The following AGBL4 variants were observed in gnomAD, a reference collection of about 807,000 sequenced individuals.
AGBL4 encodes the protein AGBL carboxypeptidase 4.
A neutral mutation model predicts 66.4 loss-of-function variants in AGBL4; 58 were observed. The observed-to-expected ratio is 0.87, with a 90% CI of 0.71 to 1.09. The LOEUF is 1.09. Among genes scored for constraint, AGBL4 ranks in the 50% least tolerant of loss-of-function variants. The probability of loss-of-function intolerance (pLI) is 0.00; values close to 1 mark genes in which losing one functional copy is unlikely to be tolerated. For synonymous variants in AGBL4, 234 were observed against 222.9 expected (o/e 1.05, Z -0.44); for missense variants, 579 against 631.0 (o/e 0.92, Z 0.88).
chr1:48,774,134 C>A (rs1183281580), intron 6 of AGBL4, among the ~76,000 whole-genome samples: 5 of 152,240 alleles, frequency 3.3e-5, no homozygotes, highest in Non-Finnish European at 7.3e-5. Flanking sequence ...GGAAACCATT[C>A]TATTTGTGTC....
chr1:48,817,647 C>A (rs1225028010), intron 6 of AGBL4: 1 of 196,976 alleles, frequency 5.1e-6, no homozygotes, highest in East Asian at 1.3e-4. Context: ...CTTGAGTTCT[C>A]CCAACAGCTT....
At chr1:49,192,406 C>G (rs1351697746) in intron 4 of AGBL4, among the ~76,000 whole-genome samples, 1 of 152,164 alleles carries the variant, frequency 6.6e-6, no homozygotes, top group Non-Finnish European at 1.5e-5. Flanking sequence ...TCAAGTGATT[C>G]GCCTGCCTCA....
chr1:49,677,262 A>G (rs1292483767), intron 3 of AGBL4, among the ~76,000 whole-genome samples: 1 of 152,048 alleles, frequency 6.6e-6, no homozygotes, highest in East Asian at 1.9e-4. Context: ...GTCTAGTCCA[A>G]TCTCTAACCT....
At chr1:49,258,444 T>C (rs946354129) in intron 3 of AGBL4, among the ~76,000 whole-genome samples, 1 of 151,748 alleles carries the variant, frequency 6.6e-6, no homozygotes, top group African/African-American at 2.4e-5. Flanking sequence ...GAATAACCAA[T>C]ATAGAGAAGT....
intron 2 of AGBL4, among the ~76,000 whole-genome samples, chr1:49,707,541 A>G (rs1647304081): frequency 6.6e-6 from 1 of 152,050 alleles, no homozygotes; most frequent in African/African-American, 2.4e-5. Flanking sequence ...TGGGGCATTT[A>G]GCCCATTTAC....
intron 11 of AGBL4, among the ~76,000 whole-genome samples, chr1:48,545,836 T>C (rs893509395): frequency 2.0e-5 from 3 of 152,224 alleles, no homozygotes; most frequent in African/African-American, 7.2e-5. Flanking sequence ...TAGCCTCCTA[T>C]TTAATGAGGT....
At chr1:49,983,889 C>T (rs1294342193) in intron 1 of AGBL4, among the ~76,000 whole-genome samples, 1 of 152,166 alleles carries the variant, frequency 6.6e-6, no homozygotes, top group Non-Finnish European at 1.5e-5. Context: ...CCCAGAAAAA[C>T]CTTAAAACCT....
intron 3 of AGBL4, among the ~76,000 whole-genome samples, chr1:49,680,838 A>T (rs1477565583): frequency 2.6e-5 from 4 of 151,494 alleles, no homozygotes; most frequent in Admixed American, 1.3e-4. Flanking sequence ...GAACTTCAAT[A>T]ACATGAATTT....
At chr1:49,677,834 A>G (rs1167513715) in intron 3 of AGBL4, among the ~76,000 whole-genome samples, 1 of 152,148 alleles carries the variant, frequency 6.6e-6, no homozygotes, top group Non-Finnish European at 1.5e-5. Context: ...TGCTTTCTCC[A>G]CAGTGTGAAC....
At chr1:49,373,474 A>G (rs934516087) in intron 3 of AGBL4, among the ~76,000 whole-genome samples, 1 of 152,168 alleles carries the variant, frequency 6.6e-6, no homozygotes, top group African/African-American at 2.4e-5. Flanking sequence ...AATGCTAGAA[A>G]ATAGGCCATA....
chr1:49,706,145 C>T (rs1448849087), intron 2 of AGBL4, among the ~76,000 whole-genome samples: 1 of 152,154 alleles, frequency 6.6e-6, no homozygotes, highest in Admixed American at 6.5e-5. Context: ...CTTTGTACTT[C>T]TGGTGGAATT....
intron 2 of AGBL4, among the ~76,000 whole-genome samples, chr1:49,728,360 A>T (rs372865679): frequency 6.6e-6 from 1 of 152,238 alleles, no homozygotes; most frequent in East Asian, 1.9e-4. Context: ...TTAAGATGAG[A>T]AATAGACCTT....
chr1:49,839,427 T>C (rs528150176), intron 2 of AGBL4, among the ~76,000 whole-genome samples: 2 of 152,294 alleles, frequency 1.3e-5, no homozygotes, highest in Middle Eastern at 3.4e-3. Context: ...CTATTTTTTC[T>C]CTAAATGAGA....
chr1:48,925,433 G>A (rs1654455643), intron 5 of AGBL4, among the ~76,000 whole-genome samples: 1 of 152,072 alleles, frequency 6.6e-6, no homozygotes, highest in South Asian at 2.1e-4. Context: ...ATGGCCCACA[G>A]GCCATATGCA....
chr1:49,041,419 A>G (rs1643938546), intron 5 of AGBL4, among the ~76,000 whole-genome samples: 1 of 152,090 alleles, frequency 6.6e-6, no homozygotes, highest in African/African-American at 2.4e-5. Flanking sequence ...TCTAGTCCAG[A>G]TGGCACAGGT....
At chr1:48,786,331 T>A (rs1017754077) in intron 6 of AGBL4, among the ~76,000 whole-genome samples, 1 of 152,214 alleles carries the variant, frequency 6.6e-6, no homozygotes, top group African/African-American at 2.4e-5. Context: ...AAACTAAGAC[T>A]TAGAGAGATC....
chr1:48,837,088 A>C (rs925817481), intron 6 of AGBL4, among the ~76,000 whole-genome samples: 1 of 150,148 alleles, frequency 6.7e-6, no homozygotes, highest in Non-Finnish European at 1.5e-5. Flanking sequence ...GAGACATAAA[A>C]TAATTATTGT....
chr1:48,532,914 A>G lies in AGBL4; in HGVS notation c.*1259T>C, dbSNP rs1643914412. 2 of 152,248 alleles carry G rather than the reference A, an allele frequency of 1.3e-5. No homozygotes were observed. The highest frequency in any genetic ancestry group is 2.1e-4 in the South Asian group (1 of 4,836). 9.4% of individuals were successfully genotyped at this position (152,248 alleles called of 1,614,324 possible). On this transcript the variant is annotated 3_prime_UTR_variant, in exon 14 of 14. Transcript: ENST00000371839. ...AACGAACCCAGGGGAGAAGCTGTAT[A>G]TACAACATGACATTTGTAGCCAATC...
intron 2 of AGBL4, among the ~76,000 whole-genome samples, chr1:49,700,245 G>C (rs1056559750): frequency 6.7e-6 from 1 of 149,798 alleles, no homozygotes; most frequent in African/African-American, 2.4e-5. Flanking sequence ...AAATGAATAG[G>C]GGTATTTCAT....
Sources: allele counts gnomAD v4.1 joint callset (sites outside exome capture counted in the v4.1 genomes callset), GRCh38; gene constraint gnomAD v4.1.1; transcripts MANE v1.5; gene names NCBI Gene and HGNC (gene_info 2026-07-23, HGNC 2026-07-21).